Variants in SAXO3 observed in about 807,000 individuals in gnomAD.
SAXO3 encodes stabilizer of axonemal microtubules 3.
At chr19:49,019,909 C>T in the SAXO3 span, 1 of 1,478,344 alleles carries the variant, frequency 6.8e-7, no homozygotes, top group East Asian at 2.5e-5. Context: ...CAAACTTTAC[C>T]TTTTCTCCTA....
the SAXO3 span, chr19:49,019,029 C>T: frequency 6.6e-7 from 1 of 1,519,586 alleles, no homozygotes; most frequent in Middle Eastern, 2.3e-4. Flanking sequence ...GGAGGCATAC[C>T]CAAGACATAG....
chr19:49,019,870 C>A, the SAXO3 span: 1 of 1,349,532 alleles, frequency 7.4e-7, no homozygotes, highest in Non-Finnish European at 1.0e-6. Flanking sequence ...CAGTCCCCCG[C>A]CCTGTCCCCT....
chr19:49,018,777 C>T, the SAXO3 span: 4 of 1,089,306 alleles, frequency 3.7e-6, no homozygotes, highest in Middle Eastern at 2.9e-4. Context: ...GCTGAGACCA[C>T]CGGCTCAGGG....
the SAXO3 span, chr19:49,018,967 A>G: frequency 1.3e-6 from 2 of 1,534,010 alleles, no homozygotes; most frequent in African/African-American, 2.7e-5. Context: ...GGCCGGCCAG[A>G]CAGCTCGGGG....
chr19:49,018,941 G>T, the SAXO3 span: 7 of 1,534,426 alleles, frequency 4.6e-6, no homozygotes, highest in East Asian at 9.8e-5. Flanking sequence ...GGACGCCCCG[G>T]TCGGATACTG....
chr19:49,019,306 A>C, the SAXO3 span: 1 of 1,222,832 alleles, frequency 8.2e-7, no homozygotes. Context: ...CTCTGTCTTA[A>C]ACCGTCTTGG....
At chr19:49,020,303 A>T in the SAXO3 span, 1 of 430,958 alleles carries the variant, frequency 2.3e-6, no homozygotes. Context: ...CCAAGCTCCC[A>T]ATCCGCTTTA....
At chr19:49,019,844 G>T in the SAXO3 span, 5 of 1,280,300 alleles carry the variant, frequency 3.9e-6, no homozygotes, top group South Asian at 1.5e-5. Context: ...ACGTGAAGGA[G>T]CAGGGGACTC....
At chr19:49,019,551 C>A in the SAXO3 span, 4 of 1,193,278 alleles carry the variant, frequency 3.4e-6, no homozygotes, top group Non-Finnish European at 4.3e-6. Context: ...GCCCCAGACC[C>A]TTTAGCCACG....
At chr19:49,019,405 G>A in the SAXO3 span, 3 of 1,257,072 alleles carry the variant, frequency 2.4e-6, no homozygotes, top group Non-Finnish European at 3.0e-6. Flanking sequence ...GAATATTCTA[G>A]TCTCCTCCCC....
the SAXO3 span, chr19:49,019,948 G>A: frequency 6.6e-7 from 1 of 1,505,942 alleles, no homozygotes; most frequent in Non-Finnish European, 8.9e-7. Context: ...TCCGCGTGGG[G>A]TCTGCAGGCT....
the SAXO3 span, chr19:49,018,384 G>A: frequency 8.7e-7 from 1 of 1,154,574 alleles, no homozygotes; most frequent in East Asian, 3.2e-5. Context: ...CTGGATCCTT[G>A]GGGACGAGTT....
chr19:49,020,246 C>T, the SAXO3 span: 2 of 466,762 alleles, frequency 4.3e-6, no homozygotes, highest in Non-Finnish European at 7.5e-6. Flanking sequence ...CTGGTGCCTC[C>T]TCTCTCAGAC....
chr19:49,018,872 C>G, the SAXO3 span: 1 of 1,533,724 alleles, frequency 6.5e-7, no homozygotes, highest in Non-Finnish European at 8.7e-7. Context: ...GCCCGGCTTA[C>G]TTGGGATAGA....
the SAXO3 span, chr19:49,019,854 C>G: frequency 1.6e-6 from 2 of 1,286,768 alleles, no homozygotes; most frequent in South Asian, 1.5e-5. Flanking sequence ...GCAGGGGACT[C>G]AAATGCAGTC....
chr19:49,019,751 T>G, the SAXO3 span: 1 of 1,203,424 alleles, frequency 8.3e-7, no homozygotes, highest in Non-Finnish European at 1.1e-6. Context: ...TACTGCGCCC[T>G]CGTCTCGCTG....
chr19:49,019,541 G>T, the SAXO3 span: 19 of 1,164,248 alleles, frequency 1.6e-5, no homozygotes, highest in African/African-American at 6.4e-5. Flanking sequence ...TCGCGATCCC[G>T]CCCCAGACCC....
chr19:49,018,925 G>A, the SAXO3 span: 3 of 1,534,448 alleles, frequency 2.0e-6, no homozygotes, highest in South Asian at 2.4e-5. Context: ...AGCTGGCGGC[G>A]GTCCAGGACG....
At chr19:49,018,541 C>T in the SAXO3 span, among the ~76,000 whole-genome samples, 1 of 152,114 alleles carries the variant, frequency 6.6e-6, no homozygotes, top group Non-Finnish European at 1.5e-5. Flanking sequence ...GCTTTCGCAT[C>T]CTAGGGAAGT....
Sources: allele counts gnomAD v4.1 joint callset (sites outside exome capture counted in the v4.1 genomes callset), GRCh38; gene constraint gnomAD v4.1.1; transcripts MANE v1.5; gene names NCBI Gene and HGNC (gene_info 2026-07-23, HGNC 2026-07-21).